Variants in COL15A1 observed in about 807,000 individuals in gnomAD.
The protein encoded by COL15A1 is collagen alpha-1(XV) chain.
COL15A1 carries 111 observed loss-of-function variants against 165.9 expected under a neutral mutation model. The ratio of observed to expected loss-of-function variants is 0.67; its 90% CI spans 0.57 to 0.78. The LOEUF (loss-of-function observed/expected upper bound fraction) is 0.78, where lower values mean the gene tolerates loss of function less well. Ranked by LOEUF, COL15A1 falls within the 30% of genes least tolerant of loss-of-function variation. COL15A1 has a pLI of 0.00. For missense variants in COL15A1, 1,745 were observed against 1,789.7 expected (o/e 0.98, Z 0.45); for synonymous variants, 659 against 674.8 (o/e 0.98, Z 0.36).
intron 2 of COL15A1, among the ~76,000 whole-genome samples, chr9:98,954,412 C>T (rs1472853029): frequency 6.6e-6 from 1 of 152,092 alleles, no homozygotes; most frequent in Non-Finnish European, 1.5e-5. Flanking sequence ...ATGAACAGAA[C>T]ATTCTGTACA....
At chr9:99,012,762 A>G (rs1355339070) in intron 9 of COL15A1, among the ~76,000 whole-genome samples, 1 of 115,712 alleles carries the variant, frequency 8.6e-6, no homozygotes, top group Admixed American at 1.3e-4. Flanking sequence ...CCCAGGCTGG[A>G]GTGCAATGGT....
chr9:99,024,268 G>GTTTT (rs201734908), intron 14 of COL15A1, among the ~76,000 whole-genome samples: 2,082 of 131,080 alleles, frequency 0.016, 196 homozygotes, highest in African/African-American at 0.059. Context: ...ACCACAAGCA[G>GTTTT]TTTTTTTTGT....
intron 2 of COL15A1, among the ~76,000 whole-genome samples, chr9:98,970,402 A>T (rs1838027661): frequency 6.6e-6 from 1 of 152,254 alleles, no homozygotes; most frequent in Non-Finnish European, 1.5e-5. Flanking sequence ...AGGGAAATGC[A>T]GAAAATGTAC....
intron 16 of COL15A1, among the ~76,000 whole-genome samples, chr9:99,026,463 G>A (rs994154019): frequency 6.6e-6 from 1 of 152,162 alleles, no homozygotes; most frequent in African/African-American, 2.4e-5. Context: ...CCCCTGCCCT[G>A]GCTACTGAGA....
At chr9:99,003,271 T>C (rs1374214114) in intron 7 of COL15A1, among the ~76,000 whole-genome samples, 182 bp from the exon 8 acceptor site, 1 of 152,206 alleles carries the variant, frequency 6.6e-6, no homozygotes, top group South Asian at 2.1e-4. Flanking sequence ...ACACCAGACA[T>C]AGGTGCCTGG....
intron 7 of COL15A1, among the ~76,000 whole-genome samples, chr9:99,001,727 A>G (rs79542192): frequency 0.043 from 6,494 of 152,050 alleles, 341 homozygotes; most frequent in East Asian, 0.11. Context: ...CTCTAGAGCT[A>G]TTTTTAACAT....
At chr9:98,971,013 G>A (rs573725533) in intron 2 of COL15A1, among the ~76,000 whole-genome samples, 6 of 152,146 alleles carry the variant, frequency 3.9e-5, no homozygotes, top group Admixed American at 6.5e-5. Context: ...ATTTGTGGAT[G>A]TATCCGTGTG....
At chr9:99,060,257 T>TATA (rs1491369678) in intron 36 of COL15A1, among the ~76,000 whole-genome samples, 269 of 126,654 alleles carry the variant, frequency 2.1e-3, no homozygotes, top group African/African-American at 8.6e-3. Context: ...TATATATATA[T>TATA]TTTTTTTTTG....
chr9:99,003,668 TC>T (rs527940287), intron 8 of COL15A1, 81 bp downstream of exon 8: 1 of 1,377,390 alleles, frequency 7.3e-7, no homozygotes, highest in South Asian at 1.7e-5. Context: ...TCACTGGCTT[TC>T]CCTATGTGTC....
chr9:98,974,535 G>C (rs989385237), intron 2 of COL15A1, among the ~76,000 whole-genome samples: 2 of 152,190 alleles, frequency 1.3e-5, no homozygotes, highest in Non-Finnish European at 2.9e-5. Context: ...CTTCTCCGAC[G>C]GTCTGCCCCC....
intron 2 of COL15A1, 150 bp downstream of exon 2, chr9:98,944,400 G>A (rs1481253100): frequency 1.2e-6 from 1 of 805,504 alleles, no homozygotes; most frequent in Non-Finnish European, 2.0e-6. Context: ...TCCCGCGGGC[G>A]GCTACCTCCT....
intron 9 of COL15A1, 70 bp downstream of exon 9, chr9:99,005,120 G>T: frequency 1.4e-6 from 2 of 1,462,894 alleles, no homozygotes; most frequent in Non-Finnish European, 1.8e-6. Flanking sequence ...CAGAGTGTGG[G>T]GCTCCTGCTC....
At chr9:99,044,301 T>C (rs1370085863) in intron 24 of COL15A1, among the ~76,000 whole-genome samples, 4 of 152,210 alleles carry the variant, frequency 2.6e-5, no homozygotes, top group Admixed American at 6.5e-5. Flanking sequence ...AGGACTGTCC[T>C]GTGCCTTAGG....
intron 2 of COL15A1, among the ~76,000 whole-genome samples, chr9:98,978,002 G>A (rs1456759341): frequency 6.6e-6 from 1 of 152,184 alleles, no homozygotes; most frequent in African/African-American, 2.4e-5. Flanking sequence ...CCAGGACCTG[G>A]AGTGGTCGGG....
intron 2 of COL15A1, among the ~76,000 whole-genome samples, chr9:98,977,077 A>G (rs1838153847): frequency 6.6e-6 from 1 of 152,180 alleles, no homozygotes. Flanking sequence ...AGGGAAAGAA[A>G]TGGCAGCTAC....
chr9:99,047,024 T>C (rs552072655), intron 26 of COL15A1, among the ~76,000 whole-genome samples: 1 of 152,282 alleles, frequency 6.6e-6, no homozygotes, highest in African/African-American at 2.4e-5. Flanking sequence ...AATCAGTCAT[T>C]CTTCTGGGAG....
rs747120484 is a variant in COL15A1, at chr9:99,005,099, C to G, written c.1353+49C>G. ...GGTTGAGGTCATGGTGGGAGCAGCT[C>G]CTGACCTTCTCAGAGTGTGGGGCTC... On this transcript the variant is annotated intron_variant, in intron 9 of 41. Coordinates refer to ENST00000375001, the MANE Select transcript of COL15A1 (RefSeq NM_001855.5). 4.6e-6 allele frequency: 7 copies of G among 1,522,504 alleles called. No individual in the cohort carries two copies. The Admixed American group carries it at 1.5e-4, about 32-fold the overall frequency. 94.3% of individuals were successfully genotyped at this position (1,522,504 alleles called of 1,614,324 possible). A position where few individuals can be genotyped will look rare whatever the true frequency, so the allele number is the denominator to read the frequency against.
chr9:99,035,340 C>T lies in COL15A1; in HGVS notation c.2221-10C>T. 1.2e-6 allele frequency: 2 copies of T among 1,614,168 alleles called. No homozygotes were observed. The highest frequency in any genetic ancestry group is 1.7e-6 in the Non-Finnish European group (2 of 1,180,032). ...TGGATCTGAAATTCTCATTCTTGCT[C>T]CTTCCCCAGGATACCGAAGGCTCTG... On this transcript the variant is annotated splice_polypyrimidine_tract_variant and intron_variant, in intron 18 of 41. Coordinates refer to ENST00000375001, the MANE Select transcript of COL15A1 (RefSeq NM_001855.5).
chr9:98,964,762 C>T (rs779758357), intron 2 of COL15A1, among the ~76,000 whole-genome samples: 13 of 152,132 alleles, frequency 8.5e-5, no homozygotes, highest in Non-Finnish European at 1.5e-4. Context: ...CAAAGCTGCT[C>T]GAGCTGGTCA....
Sources: allele counts gnomAD v4.1 joint callset (sites outside exome capture counted in the v4.1 genomes callset), GRCh38; gene constraint gnomAD v4.1.1; transcripts MANE v1.5; gene names NCBI Gene and HGNC (gene_info 2026-07-23, HGNC 2026-07-21).